ESRRG: variants seen among roughly 807,000 people sequenced by gnomAD.
The protein encoded by ESRRG is estrogen related receptor gamma, also known as estrogen-related receptor gamma.
A neutral mutation model predicts 44.0 loss-of-function variants in ESRRG; 13 were observed. The observed-to-expected ratio is 0.30, with a 90% CI of 0.19 to 0.47. ESRRG has a LOEUF of 0.47. Among genes scored for constraint, ESRRG ranks in the 20% least tolerant of loss-of-function variants. The probability of loss-of-function intolerance (pLI) is 1.00; values close to 1 mark genes in which losing one functional copy is unlikely to be tolerated. For synonymous variants in ESRRG, 215 were observed against 214.6 expected (o/e 1.00, Z -0.02); for missense variants, 395 against 580.6 (o/e 0.68, Z 3.29).
chr1:216,922,382 G>T (rs576014844), intron 2 of ESRRG, among the ~76,000 whole-genome samples: 11 of 152,132 alleles, frequency 7.2e-5, no homozygotes, highest in Non-Finnish European at 1.5e-5. Context: ...TTTTTAGTTC[G>T]AGTTGCAGTT....
At chr1:217,117,392 T>G (rs568765260) in intron 1 of ESRRG, among the ~76,000 whole-genome samples, 45 of 152,252 alleles carry the variant, frequency 3.0e-4, no homozygotes, top group Non-Finnish European at 4.7e-4. Context: ...GTGACCAGCC[T>G]GGCCAACACA....
intron 2 of ESRRG, among the ~76,000 whole-genome samples, chr1:216,906,942 G>T (rs1577971456): frequency 6.6e-6 from 1 of 152,156 alleles, no homozygotes; most frequent in Non-Finnish European, 1.5e-5. Flanking sequence ...AATGTTTTTT[G>T]TATATATTGA....
chr1:217,061,730 C>A (rs2088548416), intron 1 of ESRRG, among the ~76,000 whole-genome samples: 2 of 152,092 alleles, frequency 1.3e-5, no homozygotes, highest in South Asian at 4.1e-4. Context: ...CTAAGCACTG[C>A]CACAATCTAA....
At chr1:216,538,162 C>A (rs1323569237) in intron 5 of ESRRG, among the ~76,000 whole-genome samples, 1 of 152,020 alleles carries the variant, frequency 6.6e-6, no homozygotes, top group Non-Finnish European at 1.5e-5. Context: ...TGTGTCGACA[C>A]TACTAAAGTC....
intron 2 of ESRRG, among the ~76,000 whole-genome samples, chr1:216,937,042 C>T (rs2064258072): frequency 6.6e-6 from 1 of 151,790 alleles, no homozygotes; most frequent in Non-Finnish European, 1.5e-5. Flanking sequence ...GTGGGTTTTT[C>T]CCTTGTAATT....
chr1:216,960,163 C>T (rs548756553), intron 1 of ESRRG, among the ~76,000 whole-genome samples: 13 of 152,120 alleles, frequency 8.5e-5, no homozygotes, highest in African/African-American at 2.9e-4. Flanking sequence ...CCTTCCAATG[C>T]TTTTATAACA....
chr1:216,948,412 G>T (rs2066413747), intron 1 of ESRRG, among the ~76,000 whole-genome samples: 1 of 145,892 alleles, frequency 6.9e-6, no homozygotes, highest in Non-Finnish European at 1.5e-5. Context: ...GGGAGGCAGA[G>T]ATTGCAGTGA....
intron 5 of ESRRG, among the ~76,000 whole-genome samples, chr1:216,541,468 A>G (rs2052699218): frequency 1.3e-5 from 2 of 151,924 alleles, no homozygotes; most frequent in South Asian, 2.1e-4. Flanking sequence ...GTTGTTACAC[A>G]TTATGGAGTG....
At chr1:216,595,730 T>C (rs140051129) in intron 3 of ESRRG, among the ~76,000 whole-genome samples, 97 of 152,342 alleles carry the variant, frequency 6.4e-4, no homozygotes, top group African/African-American at 2.3e-3. Context: ...TCTGATTCTT[T>C]AGAATGCTGA....
intron 3 of ESRRG, among the ~76,000 whole-genome samples, chr1:216,569,186 G>GGAAGC (rs1312465689): frequency 1.9e-5 from 2 of 106,124 alleles, no homozygotes; most frequent in African/African-American, 7.2e-5. Flanking sequence ...GGAAGGGAAG[G>GGAAGC]GAAGGGAAAG....
At chr1:216,917,458 A>T (rs1560104606) in intron 2 of ESRRG, among the ~76,000 whole-genome samples, 1 of 152,196 alleles carries the variant, frequency 6.6e-6, no homozygotes, top group Non-Finnish European at 1.5e-5. Context: ...GAAAATAATA[A>T]TTCCTATTTT....
chr1:216,544,165 A>T (rs1398642569), intron 5 of ESRRG, among the ~76,000 whole-genome samples: 2 of 152,086 alleles, frequency 1.3e-5, no homozygotes, highest in East Asian at 3.9e-4. Context: ...TAATCTCAAC[A>T]TCATTGTGCA....
At chr1:216,587,726 G>C (rs2056917772) in intron 3 of ESRRG, among the ~76,000 whole-genome samples, 1 of 152,054 alleles carries the variant, frequency 6.6e-6, no homozygotes, top group African/African-American at 2.4e-5. Context: ...AATCTGCAAG[G>C]AAACCATTAA....
chr1:216,754,419 T>A (rs993356506), intron 2 of ESRRG, among the ~76,000 whole-genome samples: 2 of 152,040 alleles, frequency 1.3e-5, no homozygotes, highest in Non-Finnish European at 2.9e-5. Flanking sequence ...TGTTTTCCCC[T>A]CTCTATCACA....
At chr1:216,538,258 TTGTGTG>T (rs5780889) in intron 5 of ESRRG, among the ~76,000 whole-genome samples, 1 of 151,168 alleles carries the variant, frequency 6.6e-6, no homozygotes, top group African/African-American at 2.4e-5. Flanking sequence ...ATTAAAAATT[TTGTGTG>T]TGTGTGTGTG....
chr1:216,621,003 G>T (rs1346832379), intron 3 of ESRRG, among the ~76,000 whole-genome samples: 1 of 152,028 alleles, frequency 6.6e-6, no homozygotes, highest in East Asian at 1.9e-4. Context: ...CAAGATGCAG[G>T]GTGTTTTCCA....
At chr1:216,774,510 T>C (rs79841592) in intron 2 of ESRRG, among the ~76,000 whole-genome samples, 1,620 of 152,146 alleles carry the variant, frequency 0.011, 32 homozygotes, top group African/African-American at 0.037. Context: ...TCAATGAAAA[T>C]CTTTCTTGCT....
At chr1:217,061,377 T>G (rs1203899508) in intron 1 of ESRRG, among the ~76,000 whole-genome samples, 1 of 151,984 alleles carries the variant, frequency 6.6e-6, no homozygotes, top group Non-Finnish European at 1.5e-5. Context: ...TGCATGTAAA[T>G]AAGTACTAAA....
intron 1 of ESRRG, among the ~76,000 whole-genome samples, chr1:216,717,642 C>T (rs959849204): frequency 7.3e-5 from 11 of 151,648 alleles, no homozygotes; most frequent in Non-Finnish European, 1.6e-4. Flanking sequence ...ATAGAAAAAG[C>T]AATTGCATAA....
Sources: gnomAD v4.1 joint callset for allele counts (sites outside exome capture counted in the v4.1 genomes callset) on GRCh38, gnomAD v4.1.1 for gene constraint, MANE v1.5 for transcripts, NCBI Gene and HGNC (gene_info 2026-07-23, HGNC 2026-07-21) for gene names.